METTL4: variants seen among roughly 807,000 people sequenced by gnomAD.
The protein encoded by METTL4 is N(6)-adenine-specific methyltransferase METTL4.
A neutral mutation model predicts 54.0 loss-of-function variants in METTL4; 40 were observed. The observed-to-expected ratio is 0.74, with a 90% confidence interval of 0.58 to 0.96. METTL4 has a LOEUF of 0.96. METTL4 is among the 50% of genes least tolerant of loss of function. METTL4 has a pLI of 0.00. For missense variants in METTL4, 525 were observed against 549.0 expected (o/e 0.96, Z 0.44); for synonymous variants, 169 against 183.8 (o/e 0.92, Z 0.65).
At chr18:2,561,911 T>C (rs1245031705) in intron 3 of METTL4, 5 of 152,208 alleles carry the variant, frequency 3.3e-5, no homozygotes, top group Non-Finnish European at 4.4e-5. Flanking sequence ...GCAAGTGTCA[T>C]TTCCAGAAAA....
At chr18:2,557,913 C>G (rs1044957889) in intron 3 of METTL4, among the ~76,000 whole-genome samples, 3 of 152,122 alleles carry the variant, frequency 2.0e-5, no homozygotes, top group Non-Finnish European at 4.4e-5. Flanking sequence ...GACAGGGGTA[C>G]TGGGTAATTA....
chr18:2,560,141 T>C (rs1362413421), intron 3 of METTL4, among the ~76,000 whole-genome samples: 1 of 152,178 alleles, frequency 6.6e-6, no homozygotes, highest in Admixed American at 6.5e-5. Flanking sequence ...CTGATTTTGT[T>C]ACTAAAAACC....
At chr18:2,560,672 T>C (rs925051929) in intron 3 of METTL4, among the ~76,000 whole-genome samples, 3 of 152,054 alleles carry the variant, frequency 2.0e-5, no homozygotes, top group South Asian at 2.1e-4. Flanking sequence ...GGTCAGGAGA[T>C]TGAGATCATC....
At chr18:2,540,515 C>G (rs2071978927) in intron 8 of METTL4, 1 of 985,376 alleles carries the variant, frequency 1.0e-6, no homozygotes, top group African/African-American at 1.7e-5. Flanking sequence ...TCAGAAAGTA[C>G]TGGTCCTGTT....
chr18:2,548,369 T>A (rs1175065609), intron 5 of METTL4, among the ~76,000 whole-genome samples: 1 of 46,150 alleles, frequency 2.2e-5, no homozygotes, highest in African/African-American at 5.6e-5. Context: ...CATCCACCTT[T>A]GCAAAAAAAA....
In METTL4 at chr18:2,538,807, G is replaced by C; in HGVS notation, c.*193C>G. The C allele has an allele frequency of 3.4e-6, 2 of 581,764 alleles. No individual in the cohort carries two copies. Among genetic ancestry groups the C allele is most frequent in the Non-Finnish European group, 6.0e-6 (2 of 332,462 alleles). The allele number at this position is 581,764 out of a possible 1,614,324, so 36.0% of individuals were successfully genotyped here. A position where few individuals can be genotyped will look rare whatever the true frequency, so the allele number is the denominator to read the frequency against. ...TGTATAGTCTAGAATAACATAGAATGTTAGTGCAACTCAAGTAAAATTCAT... is the reference window on the plus strand; with the variant it reads ...TGTATAGTCTAGAATAACATAGAATCTTAGTGCAACTCAAGTAAAATTCAT... On this transcript the variant is annotated 3_prime_UTR_variant, in exon 9 of 9. Coordinates refer to ENST00000574538, the MANE Select transcript of METTL4 (RefSeq NM_022840.5).
Position 2,569,885 on chromosome 18 carries a change from A to C in METTL4, c.-439+1264T>G, listed in dbSNP as rs1165941785. Reference sequence around the variant, plus strand: ...GGTAAGGTTGGAAGAACATTTATTCACTCTCCACCAGCCTAGGAAATTAAT... The same window carrying C: ...GGTAAGGTTGGAAGAACATTTATTCCCTCTCCACCAGCCTAGGAAATTAAT... On this transcript the variant is annotated intron_variant, in intron 1 of 8. Coordinates refer to ENST00000574538, the MANE Select transcript of METTL4 (RefSeq NM_022840.5). Among the ~76,000 whole-genome samples the C allele has an allele frequency of 3.3e-5, 5 of 151,722 alleles. No homozygotes were observed. In the South Asian group the frequency reaches 1.0e-3, roughly 32 times the overall value.
chr18:2,552,658 G>GT (rs748606460), intron 5 of METTL4, 37 bp downstream of exon 5: 1 of 1,453,718 alleles, frequency 6.9e-7, no homozygotes, highest in Non-Finnish European at 9.6e-7. Context: ...AAGGACTACA[G>GT]TTTTTTTAGA....
intron 3 of METTL4, among the ~76,000 whole-genome samples, chr18:2,556,388 G>A (rs1167171231): frequency 1.3e-5 from 2 of 151,976 alleles, no homozygotes; most frequent in African/African-American, 4.8e-5. Context: ...TCAACCAGTT[G>A]CAAAGAAACT....
In METTL4 at chr18:2,567,295, T is replaced by G; in HGVS notation, c.-79A>C. ...TTTCCAGATCAGCTTCTTAAATATC[T>G]TGTATTTCAATAAACATACACTTCA... On this transcript the variant is annotated 5_prime_UTR_variant, in exon 2 of 9. Coordinates refer to ENST00000574538, the MANE Select transcript of METTL4 (RefSeq NM_022840.5). The G allele has an allele frequency of 2.2e-6, 3 of 1,340,654 alleles. No homozygotes were observed. Among genetic ancestry groups the G allele is most frequent in the Non-Finnish European group, 3.1e-6 (3 of 979,476 alleles). The allele number at this position is 1,340,654 out of a possible 1,614,324, so 83.0% of individuals were successfully genotyped here.
intron 3 of METTL4, among the ~76,000 whole-genome samples, chr18:2,560,169 AAACAC>A (rs895298379): frequency 6.6e-6 from 1 of 152,224 alleles, no homozygotes; most frequent in African/African-American, 2.4e-5. Flanking sequence ...ATGACAATTA[AAACAC>A]AACACATCGG....
chr18:2,570,184 GA>G (rs1170131435), intron 1 of METTL4, among the ~76,000 whole-genome samples: 4 of 152,220 alleles, frequency 2.6e-5, no homozygotes, highest in African/African-American at 9.6e-5. Context: ...AGTCTAGCTT[GA>G]AATGTGACAA....
rs375807564 is a variant in METTL4, at chr18:2,565,920, G to A, written c.396+901C>T. On this transcript the variant is annotated intron_variant, in intron 2 of 8. Transcript: ENST00000574538. Reference sequence around the variant, plus strand: ...AAATTAGCCAGGCGTGGTGGCAAGCGCCTGTAGTCCCAGCTGCTCGGGAGG... The same window carrying A: ...AAATTAGCCAGGCGTGGTGGCAAGCACCTGTAGTCCCAGCTGCTCGGGAGG... Among the ~76,000 whole-genome samples, 5 of 151,852 alleles carry A rather than the reference G, an allele frequency of 3.3e-5. No homozygotes were observed. The East Asian group carries it at 9.7e-4, about 29-fold the overall frequency.
At chr18:2,551,163 CAA>C (rs752257490) in intron 5 of METTL4, among the ~76,000 whole-genome samples, 2 of 49,266 alleles carry the variant, frequency 4.1e-5, no homozygotes, top group South Asian at 6.8e-4. Context: ...GACTCCGTCT[CAA>C]AAAAAAAAAA....
At chr18:2,565,276 C>T (rs1371936293) in intron 2 of METTL4, among the ~76,000 whole-genome samples, 2 of 150,308 alleles carry the variant, frequency 1.3e-5, no homozygotes, top group African/African-American at 4.9e-5. Flanking sequence ...AAGACTCCGT[C>T]TCAAAAAAAA....
intron 3 of METTL4, among the ~76,000 whole-genome samples, chr18:2,559,806 G>T (rs1036682162): frequency 1.9e-4 from 29 of 152,236 alleles, no homozygotes; most frequent in Admixed American, 1.8e-3. Context: ...CATGATCTCG[G>T]CTTACCGCAA....
chr18:2,538,138 T>C lies in METTL4; in HGVS notation c.*862A>G, dbSNP rs553781440. ...AAGAATCATTTCAGTCAAAATATTT[T>C]ACTTGGTAGACAAATATTTATTTGT... On this transcript the variant is annotated 3_prime_UTR_variant, in exon 9 of 9. Transcript: ENST00000574538. 5.1e-6 allele frequency: 2 copies of C among 389,066 alleles called. No homozygotes were observed. The highest frequency in any genetic ancestry group is 1.4e-4 in the South Asian group (1 of 6,970). The allele number at this position is 389,066 out of a possible 1,614,324, so 24.1% of individuals were successfully genotyped here. A position where few individuals can be genotyped will look rare whatever the true frequency, so the allele number is the denominator to read the frequency against.
At chr18:2,554,487 T>C (rs2072207226) in intron 4 of METTL4, 182 bp downstream of exon 4, 2 of 557,930 alleles carry the variant, frequency 3.6e-6, no homozygotes, top group Non-Finnish European at 6.2e-6. Context: ...ACAATATTTA[T>C]TTTTTTAAAA....
intron 1 of METTL4, among the ~76,000 whole-genome samples, chr18:2,569,884 C>T (rs1053190316): frequency 6.6e-6 from 1 of 152,220 alleles, no homozygotes; most frequent in Non-Finnish European, 1.5e-5. Flanking sequence ...AACATTTATT[C>T]ACTCTCCACC....
Sources: allele counts gnomAD v4.1 joint callset (sites outside exome capture counted in the v4.1 genomes callset), GRCh38; gene constraint gnomAD v4.1.1; transcripts MANE v1.5; gene names NCBI Gene and HGNC (gene_info 2026-07-23, HGNC 2026-07-21).